The following WRAP73 variants were observed in gnomAD, a reference collection of about 807,000 sequenced individuals.
The protein encoded by WRAP73 is WD repeat-containing protein WRAP73.
In WRAP73, 55 loss-of-function variants were observed where a neutral mutation model predicts 59.6. That is an observed-to-expected ratio of 0.92 (90% CI 0.74 to 1.15). The LOEUF is 1.15. Among genes scored for constraint, WRAP73 ranks in the 50% most tolerant of loss-of-function variants. WRAP73 has a pLI of 0.00. For synonymous variants in WRAP73, 265 were observed against 258.2 expected, an observed-to-expected ratio of 1.03 and a Z score of -0.25; for missense variants, 592 against 608.1, an observed-to-expected ratio of 0.97 and a Z score of 0.28.
intron 2 of WRAP73, 95 bp downstream of exon 2, chr1:3,647,313 C>CT: frequency 2.5e-5 from 34 of 1,341,302 alleles, no homozygotes; most frequent in South Asian, 1.4e-4. Context: ...GCTGCACGGA[C>CT]TTTTTTTTCA....
chr1:3,644,606 A>G (rs984732707), intron 3 of WRAP73, among the ~76,000 whole-genome samples: 3 of 152,220 alleles, frequency 2.0e-5, no homozygotes, highest in Non-Finnish European at 2.9e-5. Context: ...AAGATGCCCC[A>G]TGCCTTGAGG....
At chr1:3,637,729 G>A (rs980880368) in intron 4 of WRAP73, among the ~76,000 whole-genome samples, 3 of 152,142 alleles carry the variant, frequency 2.0e-5, no homozygotes, top group African/African-American at 7.2e-5. Flanking sequence ...AGCTACTCAG[G>A]AGGCTGAGGT....
chr1:3,649,145 C>T (rs994305432), intron 1 of WRAP73, among the ~76,000 whole-genome samples: 11 of 152,150 alleles, frequency 7.2e-5, no homozygotes, highest in Non-Finnish European at 1.5e-4. Flanking sequence ...ACTAGGCATC[C>T]GGGTTATCCC....
chr1:3,635,433 GA>G, intron 6 of WRAP73, 139 bp from the exon 7 acceptor site: 1 of 1,159,202 alleles, frequency 8.6e-7, no homozygotes, highest in Non-Finnish European at 1.2e-6. Context: ...GGAAAAGCTG[GA>G]ACTGCCAGCT....
rs533705344 is a variant in WRAP73 at position 3,633,156 on chromosome 1, C to T, written c.922+242G>A. On this transcript the variant is annotated intron_variant, in intron 9 of 11. Coordinates refer to ENST00000270708, the MANE Select transcript of WRAP73 (RefSeq NM_017818.4). ...CGGAAAAACATCCCCTCGGAGCTCC[C>T]GCTGTCAGATCCGGGTCTCCAGGGC... is the stretch of plus-strand genomic sequence containing the variant. 22 of 479,788 alleles carry T rather than the reference C, an allele frequency of 4.6e-5. No individual in the cohort carries two copies. The East Asian group carries it at 7.7e-4, about 17-fold the overall frequency. The allele number at this position is 479,788 out of a possible 1,614,324, so 29.7% of individuals were successfully genotyped here.
intron 10 of WRAP73, 105 bp downstream of exon 10, chr1:3,632,108 A>T: frequency 6.6e-7 from 1 of 1,511,030 alleles, no homozygotes; most frequent in African/African-American, 1.4e-5. Context: ...AAAGGAGGTG[A>T]CGTGTCGGAA....
chr1:3,635,250 C>T lies in WRAP73; in HGVS notation c.648G>A (p.Thr216=), dbSNP rs199577838. The T allele has an allele frequency of 2.0e-5, 33 of 1,614,020 alleles. 1 individual carries two copies. Among genetic ancestry groups the T allele is most frequent in the African/African-American group, 1.3e-4 (10 of 75,062 alleles). The change falls in exon 7 of 12, where the codon ACG becomes ACA. Residue 216 remains threonine (T), a synonymous_variant. Transcript: ENST00000270708. ...CCAGGGACCACTCGTAAGCGCTGTA[C>T]GTGGACAACAACCGGCCATCCAATG... ...LYSLDGRLLS[T]YSAYEWSLGI... is the part of the protein sequence containing the mutation.
intron 3 of WRAP73, among the ~76,000 whole-genome samples, chr1:3,645,773 T>C (rs1165828287): frequency 6.6e-6 from 1 of 152,210 alleles, no homozygotes; most frequent in Non-Finnish European, 1.5e-5. Context: ...CAGATCCCTC[T>C]GATTTATTCT....
At chr1:3,632,168 G>A (rs1380361543) in intron 10 of WRAP73, 45 bp downstream of exon 10, 2 of 1,577,804 alleles carry the variant, frequency 1.3e-6, no homozygotes, top group South Asian at 1.2e-5. Context: ...TGGGGCCACA[G>A]GACACAGTAA....
intron 6 of WRAP73, 173 bp from the exon 7 acceptor site, chr1:3,635,467 G>C (rs754935337): frequency 7.9e-5 from 65 of 819,308 alleles, no homozygotes; most frequent in Non-Finnish European, 6.9e-5. Flanking sequence ...GTCACGGAGA[G>C]GCAGTGAGAG....
At position 3,631,541 on chromosome 1, in the gene WRAP73, C is replaced by T. The variant is rs372118609; in HGVS notation, c.1165G>A (p.Ala389Thr). 14 of 1,610,566 alleles carry T rather than the reference C, an allele frequency of 8.7e-6. No homozygotes were observed. Among genetic ancestry groups the T allele is most frequent in the South Asian group, 1.1e-5 (1 of 90,654 alleles). Residue 389 changes from alanine to threonine, a missense_variant, in exon 11 of 12, where the codon GCC becomes ACC. Ala to Thr is a moderately conservative substitution (Grantham distance 58). Coordinates refer to ENST00000270708, the MANE Select transcript of WRAP73 (RefSeq NM_017818.4). ...AGCCTGCTGCCTCCCGTGCAGATGG[C>T]CAGCCGCGGCTGCTGCGGGTCCCAC... ...FQWDPQQPRL[A>T]ICTGGSRLYL...
At chr1:3,636,776 A>G in intron 5 of WRAP73, 1 of 620,784 alleles carries the variant, frequency 1.6e-6, no homozygotes, top group East Asian at 3.1e-5. Context: ...CAGCATATTC[A>G]CTTTTAAAAC....
chr1:3,632,468 C>G (rs1008100884), intron 9 of WRAP73, 130 bp from the exon 10 acceptor site: 48 of 1,469,452 alleles, frequency 3.3e-5, no homozygotes, highest in Non-Finnish European at 4.1e-5. Context: ...GAAAGTGCGG[C>G]CCAAGGGCAG....
In WRAP73 at chr1:3,648,170, G is replaced by C. The variant is rs557522252; in HGVS notation, c.70-610C>G. 4.6e-5 allele frequency among the ~76,000 whole-genome samples: 7 copies of C among 152,318 alleles called. No homozygotes were observed. The South Asian group carries it at 1.2e-3, about 27-fold the overall frequency. ...CTAACACGAAACGGGAAATGTTTAA[G>C]TGTTAGTACTATTTTCTTAAAGATA... On this transcript the variant is annotated intron_variant, in intron 1 of 11. Coordinates refer to ENST00000270708, the MANE Select transcript of WRAP73 (RefSeq NM_017818.4).
At position 3,635,900 on chromosome 1, in the gene WRAP73, G is replaced by A. The variant is rs1220531915; in HGVS notation, c.603+44C>T. The A allele has an allele frequency of 3.3e-6, 5 of 1,524,106 alleles. No homozygotes were observed. In the South Asian group the frequency reaches 5.7e-5, roughly 17 times the overall value. The allele number at this position is 1,524,106 out of a possible 1,614,324, so 94.4% of individuals were successfully genotyped here. The stretch of plus-strand genomic sequence containing the variant: ...GCATTCAGAAAGCATGAAATTCCGG[G>A]AAAAGCTCTCGAAAGCAAACATGTC... On this transcript the variant is annotated intron_variant, in intron 6 of 11. Coordinates refer to ENST00000270708, the MANE Select transcript of WRAP73 (RefSeq NM_017818.4).
Position 3,646,812 on chromosome 1 carries a change from G to C in WRAP73, c.223-30C>G, listed in dbSNP as rs774488194. 3 of 1,586,448 alleles carry C rather than the reference G, an allele frequency of 1.9e-6. No homozygotes were observed. The highest frequency in any genetic ancestry group is 2.2e-5 in the East Asian group (1 of 44,708). ...ATTGAGAGAAGAAAGAAACACACAA[G>C]TGCAAACTCATCAGCACCGAGAGAC... is the stretch of plus-strand genomic sequence containing the variant. On this transcript the variant is annotated intron_variant, in intron 2 of 11. Transcript: ENST00000270708. The surrounding 1 kb of genome is among the most constrained non-coding windows in gnomAD (Gnocchi z 5.1).
chr1:3,646,755 GC>G lies in WRAP73; in HGVS notation c.249del (p.Trp83CysfsTer5), dbSNP rs1557464745. 6.2e-7 allele frequency: 1 copy of G among 1,612,382 alleles called. No homozygotes were observed. Among genetic ancestry groups the G allele is most frequent in the Non-Finnish European group, 8.5e-7 (1 of 1,179,112 alleles). On this transcript the variant is annotated frameshift_variant, in exon 3 of 12. Coordinates refer to ENST00000270708, the MANE Select transcript of WRAP73 (RefSeq NM_017818.4). LOFTEE classifies it high-confidence loss of function. The surrounding 1 kb of genome is among the most constrained non-coding windows in gnomAD (Gnocchi z 5.1). The part of the protein sequence containing the change: ...VQVWSLEQPE[W>X]HCKIDEGSAG... ...GCTGAGCCCTCGTCTATTTTGCAGTGCCATTCGGGCTGCTCTAAAGACCAGA... is the reference window on the plus strand; with the variant it reads ...GCTGAGCCCTCGTCTATTTTGCAGTGCATTCGGGCTGCTCTAAAGACCAGA...
chr1:3,637,536 A>C (rs1008395628), intron 4 of WRAP73, among the ~76,000 whole-genome samples: 1 of 152,236 alleles, frequency 6.6e-6, no homozygotes, highest in African/African-American at 2.4e-5. Flanking sequence ...ATTTGGAAGA[A>C]GTAAACTGAA....
chr1:3,633,515 A>G lies in WRAP73; in HGVS notation c.817-12T>C. 1 of 1,577,536 alleles carries G rather than the reference A, an allele frequency of 6.3e-7. No individual in the cohort carries two copies. Among genetic ancestry groups the G allele is most frequent in the Non-Finnish European group, 8.6e-7 (1 of 1,164,830 alleles). ...TCCTTATACACCACCTGAAAGACAC[A>G]AGGTGGCCACGCCCGGCTCAGGACA... On this transcript the variant is annotated splice_polypyrimidine_tract_variant and intron_variant, in intron 8 of 11. Coordinates refer to ENST00000270708, the MANE Select transcript of WRAP73 (RefSeq NM_017818.4).
Sources: allele counts gnomAD v4.1 joint callset (sites outside exome capture counted in the v4.1 genomes callset), GRCh38; gene constraint gnomAD v4.1.1; non-coding constraint Gnocchi (gnomAD v3.1); transcripts MANE v1.5; gene names NCBI Gene and HGNC (gene_info 2026-07-23, HGNC 2026-07-21).